DHRSX: variants seen among roughly 807,000 people sequenced by gnomAD.
DHRSX encodes dehydrogenase/reductase X-linked.
A neutral mutation model predicts 34.0 loss-of-function variants in DHRSX; 31 were observed. That is an observed-to-expected ratio of 0.91 (90% CI 0.69 to 1.23). The LOEUF is 1.23. DHRSX is among the 50% of genes most tolerant of loss of function. The pLI, the probability that DHRSX is intolerant of heterozygous loss-of-function variation, is 0.00. For synonymous variants in DHRSX, 201 were observed against 183.8 expected, an observed-to-expected ratio of 1.09 and a Z score of -0.76; for missense variants, 414 against 428.1, an observed-to-expected ratio of 0.97 and a Z score of 0.29.
At chrX:2,224,902 C>T (rs1049959072) in intron 6 of DHRSX, among the ~76,000 whole-genome samples, 201 of 62,546 alleles carry the variant, frequency 3.2e-3, no homozygotes, top group African/African-American at 0.013. Context: ...CACACTCGCA[C>T]ACACACACGT....
chrX:2,452,976 G>GTCAA (rs1300342583), intron 1 of DHRSX, among the ~76,000 whole-genome samples: 3 of 152,296 alleles, frequency 2.0e-5, no homozygotes, highest in African/African-American at 7.2e-5. Context: ...AAACCCATGT[G>GTCAA]TCAATCAACA....
chrX:2,306,598 G>A (rs73185785), intron 3 of DHRSX, among the ~76,000 whole-genome samples: 51,361 of 151,398 alleles, frequency 0.34, 10,313 homozygotes, highest in Middle Eastern at 0.48. Flanking sequence ...GATTACAGAC[G>A]CGCACCACCA....
At chrX:2,437,994 T>C (rs891349318) in intron 1 of DHRSX, among the ~76,000 whole-genome samples, 15 of 115,004 alleles carry the variant, frequency 1.3e-4, no homozygotes, top group Non-Finnish European at 2.1e-4. Flanking sequence ...TGTGTGCTAT[T>C]GGATAACCAT....
intron 1 of DHRSX, among the ~76,000 whole-genome samples, chrX:2,452,961 G>A (rs2044245913): frequency 1.3e-5 from 2 of 152,120 alleles, no homozygotes; most frequent in Admixed American, 6.6e-5. Flanking sequence ...TCCAAGAGAC[G>A]GAATAAACCC....
At chrX:2,430,027 C>G (rs374685191) in intron 1 of DHRSX, among the ~76,000 whole-genome samples, 44 of 151,952 alleles carry the variant, frequency 2.9e-4, no homozygotes, top group African/African-American at 1.0e-3. Context: ...AATATAGAAA[C>G]AACAGCAACA....
intron 1 of DHRSX, chrX:2,500,319 G>T (rs1382170722): frequency 5.3e-6 from 1 of 188,752 alleles, no homozygotes; most frequent in East Asian, 1.3e-4. Context: ...ACCCTGGGGT[G>T]GGTAGGGGTC....
chrX:2,335,604 C>T (rs2042549207), intron 3 of DHRSX, among the ~76,000 whole-genome samples: 1 of 151,906 alleles, frequency 6.6e-6, no homozygotes. Flanking sequence ...GTGCCCGCCA[C>T]CATGCCCAGC....
chrX:2,403,584 A>G (rs1309245969), intron 3 of DHRSX, among the ~76,000 whole-genome samples: 2 of 152,124 alleles, frequency 1.3e-5, no homozygotes, highest in African/African-American at 2.4e-5. Flanking sequence ...GGTCAGATGC[A>G]GTGGCTCACG....
At chrX:2,314,469 A>G (rs1303277365) in intron 3 of DHRSX, among the ~76,000 whole-genome samples, 4 of 19,700 alleles carry the variant, frequency 2.0e-4, no homozygotes, top group Non-Finnish European at 3.6e-4. Context: ...AAGGAAGGGG[A>G]GAAGGAAGGA....
intron 1 of DHRSX, among the ~76,000 whole-genome samples, chrX:2,434,762 CATATGCTAAG>C (rs1485049120): frequency 6.6e-6 from 1 of 152,228 alleles, no homozygotes; most frequent in Non-Finnish European, 1.5e-5. Context: ...CACTCCCACA[CATATGCTAAG>C]ATATACGAGA....
intron 6 of DHRSX, among the ~76,000 whole-genome samples, chrX:2,233,872 T>C (rs1439316311): frequency 1.3e-5 from 2 of 152,184 alleles, no homozygotes. Flanking sequence ...GGCTCATAAT[T>C]ACATAATTAC....
chrX:2,341,466 T>A (rs1391314530), intron 3 of DHRSX, among the ~76,000 whole-genome samples: 1 of 152,100 alleles, frequency 6.6e-6, no homozygotes, highest in Non-Finnish European at 1.5e-5. Flanking sequence ...AGTCTCTGCC[T>A]CCGTCTCCAC....
intron 1 of DHRSX, among the ~76,000 whole-genome samples, chrX:2,437,089 C>A (rs1392913741): frequency 6.6e-6 from 1 of 152,108 alleles, no homozygotes; most frequent in Non-Finnish European, 1.5e-5. Context: ...GCTCTGCCTC[C>A]TGGGTTCATG....
intron 4 of DHRSX, among the ~76,000 whole-genome samples, chrX:2,291,129 T>C (rs1425639201): frequency 3.3e-5 from 5 of 152,104 alleles, no homozygotes; most frequent in African/African-American, 7.2e-5. Context: ...AATCAAGAGA[T>C]AAATGGTAAT....
chrX:2,497,148 C>G (rs2045305969), intron 1 of DHRSX, among the ~76,000 whole-genome samples: 1 of 152,204 alleles, frequency 6.6e-6, no homozygotes, highest in African/African-American at 2.4e-5. Context: ...GTAATCCCAG[C>G]AATTTGGGAT....
At chrX:2,345,271 A>G (rs1371703911) in intron 3 of DHRSX, among the ~76,000 whole-genome samples, 1 of 152,068 alleles carries the variant, frequency 6.6e-6, no homozygotes, top group East Asian at 1.9e-4. Context: ...TTTAAATGAG[A>G]TAAATATCGA....
chrX:2,274,203 A>G (rs1432456601), intron 4 of DHRSX, among the ~76,000 whole-genome samples: 2 of 151,136 alleles, frequency 1.3e-5, no homozygotes, highest in Non-Finnish European at 2.9e-5. Context: ...ATGGCCAGCT[A>G]TTTTTTGTAT....
At chrX:2,376,237 G>C (rs1261851350) in intron 3 of DHRSX, among the ~76,000 whole-genome samples, 1 of 137,624 alleles carries the variant, frequency 7.3e-6, no homozygotes, top group Non-Finnish European at 1.7e-5. Flanking sequence ...AGGCATTGTA[G>C]ATGGCAAGAG....
chrX:2,449,305 C>T lies in DHRSX; in HGVS notation c.110-24001G>A, dbSNP rs746869931. Among the ~76,000 whole-genome samples, 14 of 152,134 alleles carry T rather than the reference C, an allele frequency of 9.2e-5. 1 individual carries two copies. Among genetic ancestry groups the T allele is most frequent in the African/African-American group, 2.2e-4 (9 of 41,508 alleles). ...TGTTCCCAGTTATTACTCGGAGGGC[C>T]GGGCCTGCTCAGGAGGGTTGGTGAG... On this transcript the variant is annotated intron_variant, in intron 1 of 6. Coordinates refer to ENST00000334651, the MANE Select transcript of DHRSX (RefSeq NM_145177.3).
Sources: gnomAD v4.1 joint callset for allele counts (sites outside exome capture counted in the v4.1 genomes callset) on GRCh38, gnomAD v4.1.1 for gene constraint, MANE v1.5 for transcripts, NCBI Gene and HGNC (gene_info 2026-07-23, HGNC 2026-07-21) for gene names.